CABIN1: variants seen among roughly 807,000 people sequenced by gnomAD.
The protein encoded by CABIN1 is calcineurin-binding protein cabin-1.
In CABIN1, 133 loss-of-function variants were observed where a neutral mutation model predicts 227.7. That is an observed-to-expected ratio of 0.58 (90% confidence interval 0.51 to 0.67). The LOEUF is 0.67. Ranked by LOEUF, CABIN1 falls within the 30% of genes least tolerant of loss-of-function variation. The pLI is 0.00. For synonymous variants in CABIN1, 1,086 were observed against 1,155.1 expected, an observed-to-expected ratio of 0.94 and a Z score of 1.21; for missense variants, 2,408 against 2,852.5, an observed-to-expected ratio of 0.84 and a Z score of 3.55.
chr22:24,084,213 G>A (rs1346799683), intron 20 of CABIN1, among the ~76,000 whole-genome samples: 1 of 152,000 alleles, frequency 6.6e-6, no homozygotes, highest in Non-Finnish European at 1.5e-5. Context: ...CAGACACTTG[G>A]ATTTGGGGAT....
intron 1 of CABIN1, among the ~76,000 whole-genome samples, chr22:24,013,180 G>T (rs1293287024): frequency 6.8e-6 from 1 of 146,440 alleles, no homozygotes; most frequent in East Asian, 2.0e-4. Context: ...TAATCAAAAT[G>T]GTTATTTCTT....
intron 1 of CABIN1, among the ~76,000 whole-genome samples, chr22:24,025,955 C>A (rs1419795298): frequency 1.3e-5 from 2 of 151,990 alleles, no homozygotes; most frequent in African/African-American, 4.8e-5. Context: ...CAACCTCAGC[C>A]CCCTAGTAGC....
At chr22:24,075,168 A>T (rs1274698303) in intron 18 of CABIN1, among the ~76,000 whole-genome samples, 2 of 152,044 alleles carry the variant, frequency 1.3e-5, no homozygotes, top group Non-Finnish European at 2.9e-5. Context: ...ATGCCATTGT[A>T]CTCCAGCCTG....
At chr22:24,168,239 T>C (rs1311456354) in intron 32 of CABIN1, among the ~76,000 whole-genome samples, 3 of 152,226 alleles carry the variant, frequency 2.0e-5, no homozygotes, top group African/African-American at 7.2e-5. Context: ...CTGCCCCTGC[T>C]ACCCACGAAG....
At chr22:24,054,800 G>A in intron 8 of CABIN1, 73 bp from the exon 9 acceptor site, 1 of 1,599,808 alleles carries the variant, frequency 6.3e-7, no homozygotes, top group Non-Finnish European at 8.6e-7. Flanking sequence ...TGTGCAGGCA[G>A]GCCATTTTCC....
chr22:24,178,610 TAATA>T lies in CABIN1; in HGVS notation c.*417_*420del. The stretch of plus-strand genomic sequence containing the variant: ...CTCACCCTTTTTTTGGTTGCTTTTC[TAATA>T]AAGATGGAACAGTTGTCTTTGCCTC... On this transcript the variant is annotated 3_prime_UTR_variant, in exon 37 of 37. Coordinates refer to ENST00000263119, the MANE Select transcript of CABIN1 (RefSeq NM_012295.4). 1.1e-5 allele frequency: 3 copies of T among 282,918 alleles called. No individual in the cohort carries two copies. The South Asian group carries it at 1.1e-4, about 10-fold the overall frequency. 17.5% of individuals were successfully genotyped at this position (282,918 alleles called of 1,614,324 possible). A position where few individuals can be genotyped will look rare whatever the true frequency, so the allele number is the denominator to read the frequency against.
chr22:24,136,347 CTT>C (rs71184947), intron 29 of CABIN1, among the ~76,000 whole-genome samples: 8 of 113,204 alleles, frequency 7.1e-5, no homozygotes, highest in South Asian at 5.6e-4. Context: ...GCCATCCCTC[CTT>C]TTTTTTTTTT....
chr22:24,093,592 G>A (rs2041691708), intron 24 of CABIN1, among the ~76,000 whole-genome samples: 1 of 151,972 alleles, frequency 6.6e-6, no homozygotes, highest in African/African-American at 2.4e-5. Flanking sequence ...GTTTGGGCCA[G>A]GCATGGTGGC....
Position 24,041,226 on chromosome 22 carries a change from G to A in CABIN1, c.298G>A (p.Ala100Thr). ...YSTYKNLAQL[A>T]AQREDLETAM... The stretch of plus-strand genomic sequence containing the variant: ...CACTTATAAGAACTTGGCCCAGCTG[G>A]CAGCCCAGCGGGAGGATCTGGAGAC... The change falls in exon 5 of 37, where the codon GCA (alanine) becomes ACA (threonine). Residue 100 changes from alanine (A) to threonine (T), a missense_variant. Transcript: ENST00000263119. The A allele has an allele frequency of 1.2e-6, 2 of 1,614,206 alleles. No homozygotes were observed. The highest frequency in any genetic ancestry group is 8.5e-7 in the Non-Finnish European group (1 of 1,180,036).
rs562465110 is a variant in CABIN1, at chr22:24,143,457, C to G, written c.4746+9042C>G. 2.6e-5 allele frequency among the ~76,000 whole-genome samples: 4 copies of G among 152,316 alleles called. No individual in the cohort carries two copies. In the East Asian group the frequency reaches 7.7e-4, roughly 29 times the overall value. The stretch of plus-strand genomic sequence containing the variant: ...TGTCTGCTAGCCTGAGCCCCCACCC[C>G]CTTTTGGTGTGGCTCCAACTGGCTG... On this transcript the variant is annotated intron_variant, in intron 29 of 36. Coordinates refer to ENST00000263119, the MANE Select transcript of CABIN1 (RefSeq NM_012295.4).
At chr22:24,166,210 C>A (rs1569309500) in intron 31 of CABIN1, among the ~76,000 whole-genome samples, 1 of 152,154 alleles carries the variant, frequency 6.6e-6, no homozygotes, top group Non-Finnish European at 1.5e-5. Flanking sequence ...GCATTAAGGG[C>A]CAGGAAGACT....
chr22:24,051,446 G>A (rs143112322), intron 8 of CABIN1, among the ~76,000 whole-genome samples: 2,073 of 152,220 alleles, frequency 0.014, 45 homozygotes, highest in African/African-American at 0.047. Flanking sequence ...GTCCTTGCCA[G>A]CCCCATGATG....
chr22:24,047,021 G>A (rs1313250723), intron 6 of CABIN1, among the ~76,000 whole-genome samples: 1 of 152,274 alleles, frequency 6.6e-6, no homozygotes, highest in East Asian at 1.9e-4. Context: ...CCCCACATTA[G>A]GGAGGGCGAT....
chr22:24,109,545 C>A (rs1489920482), intron 26 of CABIN1, among the ~76,000 whole-genome samples: 1 of 152,200 alleles, frequency 6.6e-6, no homozygotes, highest in South Asian at 2.1e-4. Context: ...AGTTTGCTTA[C>A]CAGGCAGCTC....
chr22:24,067,268 C>G (rs2146612173), intron 16 of CABIN1, 87 bp downstream of exon 16: 1 of 1,354,688 alleles, frequency 7.4e-7, no homozygotes, highest in Non-Finnish European at 1.0e-6. Flanking sequence ...TGCGGTAGTT[C>G]TTAAGAATGT....
chr22:24,096,133 C>A, intron 25 of CABIN1, 51 bp downstream of exon 25: 1 of 1,600,076 alleles, frequency 6.2e-7, no homozygotes, highest in South Asian at 1.1e-5. Flanking sequence ...ATCTGCATCC[C>A]AGATGGCTCG....
chr22:24,087,036 T>C (rs17004831), intron 22 of CABIN1, among the ~76,000 whole-genome samples: 3,043 of 152,312 alleles, frequency 0.02, 104 homozygotes, highest in African/African-American at 0.07. Flanking sequence ...CCTGGTGCTT[T>C]AGCTGGACTG....
At chr22:24,079,597 A>G (rs2040674264) in intron 19 of CABIN1, among the ~76,000 whole-genome samples, 1 of 152,248 alleles carries the variant, frequency 6.6e-6, no homozygotes, top group South Asian at 2.1e-4. Context: ...TCTGAAAGGC[A>G]TGAAATGGTA....
At chr22:24,076,947 T>C (rs9612551) in intron 19 of CABIN1, among the ~76,000 whole-genome samples, 21 of 152,304 alleles carry the variant, frequency 1.4e-4, no homozygotes, top group Non-Finnish European at 2.2e-4. Flanking sequence ...GCCTATAATA[T>C]TTATTCGTGA....
Sources: gnomAD v4.1 joint callset for allele counts (sites outside exome capture counted in the v4.1 genomes callset) on GRCh38, gnomAD v4.1.1 for gene constraint, MANE v1.5 for transcripts, NCBI Gene and HGNC (gene_info 2026-07-23, HGNC 2026-07-21) for gene names.